Variants in THADA observed in about 807,000 individuals in gnomAD.
THADA encodes the protein THADA armadillo repeat containing.
In THADA, 213 loss-of-function variants were observed where a neutral mutation model predicts 219.8. That is an observed-to-expected ratio of 0.97 (90% CI 0.87 to 1.09). The LOEUF (loss-of-function observed/expected upper bound fraction) is 1.09, where lower values mean the gene tolerates loss of function less well. Ranked by LOEUF, THADA falls within the 50% of genes least tolerant of loss-of-function variation. The pLI is 0.00. For missense variants in THADA, 2,956 were observed against 2,311.3 expected (o/e 1.28, Z -5.72); for synonymous variants, 1,018 against 828.9 (o/e 1.23, Z -3.92).
chr2:43,552,121 T>G, intron 18 of THADA, 83 bp downstream of exon 18: 1 of 1,537,344 alleles, frequency 6.5e-7, no homozygotes, highest in East Asian at 2.4e-5. Flanking sequence ...CTGCATTCCT[T>G]TCCCAGGACA....
chr2:43,275,194 G>C (rs1672593416), intron 36 of THADA, among the ~76,000 whole-genome samples: 1 of 151,858 alleles, frequency 6.6e-6, no homozygotes, highest in Non-Finnish European at 1.5e-5. Context: ...TATTAGAAAT[G>C]GGGTTTCACC....
intron 29 of THADA, among the ~76,000 whole-genome samples, chr2:43,365,595 ACACG>A (rs1282147218): frequency 8.6e-5 from 13 of 151,732 alleles, no homozygotes; most frequent in Admixed American, 8.5e-4. Flanking sequence ...ACACACACAC[ACACG>A]CACAAAATGC....
At chr2:43,334,302 A>G (rs1199877361) in intron 30 of THADA, among the ~76,000 whole-genome samples, 1 of 152,116 alleles carries the variant, frequency 6.6e-6, no homozygotes, top group Non-Finnish European at 1.5e-5. Context: ...GAAAGGGCAC[A>G]TGGAGGACTG....
intron 24 of THADA, among the ~76,000 whole-genome samples, chr2:43,499,740 T>A (rs554344354): frequency 1.6e-4 from 24 of 151,964 alleles, no homozygotes; most frequent in African/African-American, 2.4e-4. Flanking sequence ...TTTTTTTTTT[T>A]AAATATTTTG....
At chr2:43,302,384 A>C (rs1048821584) in intron 31 of THADA, among the ~76,000 whole-genome samples, 2 of 151,778 alleles carry the variant, frequency 1.3e-5, no homozygotes, top group Non-Finnish European at 2.9e-5. Context: ...CCACCAGTGC[A>C]GTCAACTCAG....
At chr2:43,536,385 C>A (rs1168255924) in intron 21 of THADA, among the ~76,000 whole-genome samples, 5 of 151,986 alleles carry the variant, frequency 3.3e-5, no homozygotes, top group Non-Finnish European at 7.4e-5. Flanking sequence ...AGTATGTTAC[C>A]TCCAGCAAAA....
At chr2:43,474,409 T>C (rs1241310884) in intron 26 of THADA, among the ~76,000 whole-genome samples, 1 of 152,158 alleles carries the variant, frequency 6.6e-6, no homozygotes, top group Admixed American at 6.5e-5. Context: ...TACTGACAGC[T>C]TTCCACTTTG....
At chr2:43,544,209 G>A (rs1695708412) in intron 20 of THADA, among the ~76,000 whole-genome samples, 1 of 152,050 alleles carries the variant, frequency 6.6e-6, no homozygotes. Flanking sequence ...ATTTCTGAGG[G>A]CTCTGTTCTG....
intron 28 of THADA, among the ~76,000 whole-genome samples, chr2:43,424,436 C>T (rs1352434471): frequency 2.0e-5 from 3 of 152,118 alleles, no homozygotes; most frequent in Non-Finnish European, 4.4e-5. Context: ...CCCTTAACAA[C>T]GGTACAAAAA....
intron 35 of THADA, among the ~76,000 whole-genome samples, chr2:43,283,848 G>A (rs1673664283): frequency 6.6e-6 from 1 of 152,234 alleles, no homozygotes. Context: ...CATTTTCTGG[G>A]AAGAAATTCA....
chr2:43,489,523 T>C (rs1355633467), intron 25 of THADA, among the ~76,000 whole-genome samples: 2 of 152,152 alleles, frequency 1.3e-5, no homozygotes, highest in East Asian at 3.8e-4. Context: ...AGCTTTTACA[T>C]TTAGGTTTTT....
At chr2:43,401,073 C>T (rs1461935257) in intron 28 of THADA, among the ~76,000 whole-genome samples, 4 of 152,170 alleles carry the variant, frequency 2.6e-5, no homozygotes, top group African/African-American at 9.7e-5. Context: ...CTACTTTTAA[C>T]ATTCCTTGAA....
At chr2:43,390,330 C>T (rs1196386493) in intron 29 of THADA, among the ~76,000 whole-genome samples, 1 of 152,156 alleles carries the variant, frequency 6.6e-6, no homozygotes, top group Non-Finnish European at 1.5e-5. Context: ...CACTACTGCC[C>T]ACTCTGTTGG....
intron 31 of THADA, among the ~76,000 whole-genome samples, chr2:43,307,590 A>T (rs1360087468): frequency 2.0e-5 from 3 of 152,226 alleles, no homozygotes; most frequent in Non-Finnish European, 4.4e-5. Context: ...CCTCAGAAGG[A>T]TCCTGTTAGA....
chr2:43,304,194 G>A (rs190242112), intron 31 of THADA, among the ~76,000 whole-genome samples: 166 of 152,160 alleles, frequency 1.1e-3, no homozygotes, highest in Admixed American at 8.8e-3. Flanking sequence ...TGATTGTCTT[G>A]TGCCAAAATA....
chr2:43,348,056 C>T (rs72790907), intron 29 of THADA, among the ~76,000 whole-genome samples: 15,433 of 152,222 alleles, frequency 0.1, 835 homozygotes, highest in Admixed American at 0.14. Flanking sequence ...GGGTTGAAAC[C>T]AGCGGCTCAA....
chr2:43,528,813 G>A (rs1471781356), intron 21 of THADA, among the ~76,000 whole-genome samples: 1 of 151,690 alleles, frequency 6.6e-6, no homozygotes, highest in African/African-American at 2.4e-5. Context: ...TTTTATTGTG[G>A]TAAAATATAC....
intron 31 of THADA, among the ~76,000 whole-genome samples, chr2:43,312,156 C>T (rs1244117762): frequency 6.6e-6 from 1 of 151,156 alleles, no homozygotes; most frequent in Non-Finnish European, 1.5e-5. Flanking sequence ...GAGGTTGAGG[C>T]TGCAGCGAGC....
chr2:43,373,943 G>A (rs565964397), intron 29 of THADA, among the ~76,000 whole-genome samples: 1 of 152,244 alleles, frequency 6.6e-6, no homozygotes, highest in South Asian at 2.1e-4. Context: ...ATTTGCCTGA[G>A]AGTGATTTTA....
Sources: gnomAD v4.1 joint callset for allele counts (sites outside exome capture counted in the v4.1 genomes callset) on GRCh38, gnomAD v4.1.1 for gene constraint, MANE v1.5 for transcripts, NCBI Gene and HGNC (gene_info 2026-07-23, HGNC 2026-07-21) for gene names.